SAMD4A: variants seen among roughly 807,000 people sequenced by gnomAD.
SAMD4A encodes protein Smaug homolog 1.
Under a neutral mutation model 81.3 loss-of-function variants are expected in SAMD4A, and 33 were observed. The ratio of observed to expected loss-of-function variants is 0.41; its 90% confidence interval spans 0.31 to 0.54. The LOEUF is 0.54. SAMD4A is among the 20% of genes least tolerant of loss of function. The pLI, the probability that SAMD4A is intolerant of heterozygous loss-of-function variation, is 0.37. For missense variants in SAMD4A, 854 were observed against 951.1 expected, an observed-to-expected ratio of 0.90 and a Z score of 1.34; for synonymous variants, 389 against 382.1, an observed-to-expected ratio of 1.02 and a Z score of -0.21.
intron 3 of SAMD4A, chr14:54,702,794 G>A (rs543377476): frequency 3.4e-6 from 2 of 581,248 alleles, no homozygotes; most frequent in African/African-American, 1.9e-5. Context: ...AGTGACTGAT[G>A]GTCCAAATTT....
Position 54,567,951 on chromosome 14 carries a change from G to T in SAMD4A, c.35G>T (p.Gly12Val). ...CGCGACCAGGTCGGGGTGCTGGCGG[G>T]CTGGTTTAAGGGCTGGAACGAGTGC... ...MFRDQVGVLA[G>V]WFKGWNECEQ... The change falls in exon 2 of 13, where the codon GGC becomes GTC. Residue 12 changes from glycine (G) to valine (V), a missense_variant. Physicochemically the swap from Gly to Val is moderately radical, Grantham distance 109. Coordinates refer to ENST00000554335, the MANE Select transcript of SAMD4A (RefSeq NM_015589.6). 6.2e-7 allele frequency: 1 copy of T among 1,609,966 alleles called. No individual in the cohort carries two copies. The highest frequency in any genetic ancestry group is 2.2e-5 in the East Asian group (1 of 44,744).
Position 54,713,671 on chromosome 14 carries a change from C to A in SAMD4A, c.715+11091C>A, listed in dbSNP as rs139906427. Among the ~76,000 whole-genome samples, 876 of 152,264 alleles carry A rather than the reference C, an allele frequency of 5.8e-3. 10 individuals carry two copies. Among genetic ancestry groups the A allele is most frequent in the South Asian group, 0.015 (74 of 4,820 alleles). On this transcript the variant is annotated intron_variant, in intron 3 of 12. Transcript: ENST00000554335. ...TGAGATGCATCCTTTTGGAAAAGCC[C>A]AGCAAAACCCATATGGAGCTAAAAG... is the stretch of plus-strand genomic sequence containing the variant.
intron 2 of SAMD4A, among the ~76,000 whole-genome samples, chr14:54,629,463 G>A (rs17253556): frequency 0.11 from 16,632 of 152,212 alleles, 1,162 homozygotes; most frequent in Middle Eastern, 0.2. Flanking sequence ...GGCATACAGA[G>A]TGATACATGA....
At chr14:54,761,917 T>C (rs2038409009) in intron 7 of SAMD4A, among the ~76,000 whole-genome samples, 4 of 152,172 alleles carry the variant, frequency 2.6e-5, no homozygotes, top group Admixed American at 2.6e-4. Context: ...CTTGACTGTA[T>C]CTTCATTAGT....
chr14:54,581,447 T>C (rs886221088), intron 2 of SAMD4A, among the ~76,000 whole-genome samples: 6 of 152,240 alleles, frequency 3.9e-5, no homozygotes, highest in African/African-American at 1.4e-4. Flanking sequence ...TCCAATTCAA[T>C]TGGGACTTTA....
chr14:54,691,604 A>G (rs1055961867), intron 2 of SAMD4A, among the ~76,000 whole-genome samples: 2 of 152,008 alleles, frequency 1.3e-5, no homozygotes, highest in Non-Finnish European at 2.9e-5. Context: ...GATTGCATCA[A>G]TAGACCTACT....
chr14:54,736,960 G>T, intron 3 of SAMD4A, 64 bp from the exon 4 acceptor site: 1 of 1,573,532 alleles, frequency 6.4e-7, no homozygotes, highest in Non-Finnish European at 8.7e-7. Context: ...AGGTATTGTG[G>T]GTTCTTCGGT....
chr14:54,657,138 T>C (rs1246606012), intron 2 of SAMD4A, among the ~76,000 whole-genome samples: 1 of 152,204 alleles, frequency 6.6e-6, no homozygotes, highest in Admixed American at 6.5e-5. Context: ...TTCAATTTCC[T>C]CACTAAACTC....
intron 12 of SAMD4A, among the ~76,000 whole-genome samples, chr14:54,786,537 C>G (rs2139992791): frequency 6.6e-6 from 1 of 152,340 alleles, no homozygotes; most frequent in Non-Finnish European, 1.5e-5. Flanking sequence ...GAGCTGGCAC[C>G]TGCCAGAGCT....
intron 8 of SAMD4A, among the ~76,000 whole-genome samples, chr14:54,768,449 G>A (rs148734263): frequency 7.9e-5 from 12 of 152,288 alleles, no homozygotes; most frequent in Non-Finnish European, 1.2e-4. Context: ...AGGGGCATGC[G>A]TAAAGGCGTG....
At chr14:54,582,602 C>T (rs562371049) in intron 2 of SAMD4A, among the ~76,000 whole-genome samples, 1 of 152,252 alleles carries the variant, frequency 6.6e-6, no homozygotes, top group South Asian at 2.1e-4. Context: ...AATATGATAG[C>T]TAAATGCCAC....
chr14:54,597,423 C>T (rs544861399), intron 2 of SAMD4A, among the ~76,000 whole-genome samples: 2 of 150,254 alleles, frequency 1.3e-5, no homozygotes, highest in South Asian at 2.1e-4. Context: ...TACAGGCATG[C>T]GCCACCACAC....
chr14:54,673,941 G>A (rs1019493277), intron 2 of SAMD4A, among the ~76,000 whole-genome samples: 16 of 152,180 alleles, frequency 1.1e-4, no homozygotes, highest in African/African-American at 2.4e-4. Context: ...TTTCTGAAGC[G>A]TTTGATGCCT....
chr14:54,739,239 T>C (rs1198671325), intron 4 of SAMD4A, among the ~76,000 whole-genome samples: 1 of 151,974 alleles, frequency 6.6e-6, no homozygotes, highest in Non-Finnish European at 1.5e-5. Flanking sequence ...AGCCAAAATA[T>C]TGCAAAGGTT....
intron 2 of SAMD4A, among the ~76,000 whole-genome samples, chr14:54,671,382 AG>A (rs2035877228): frequency 6.6e-6 from 1 of 152,202 alleles, no homozygotes; most frequent in Non-Finnish European, 1.5e-5. Context: ...GGATAATAAT[AG>A]TACCTAGGGG....
chr14:54,757,357 A>G (rs147388620), intron 6 of SAMD4A, among the ~76,000 whole-genome samples: 2 of 146,560 alleles, frequency 1.4e-5, no homozygotes, highest in Non-Finnish European at 3.0e-5. Context: ...GTCCAACATT[A>G]TTCGTTATGT....
In SAMD4A at chr14:54,789,071, C is replaced by CCCGT. The variant is rs1167732445; in HGVS notation, c.*128_*131dup. On this transcript the variant is annotated 3_prime_UTR_variant, in exon 13 of 13. Transcript: ENST00000554335. ...AGCCTTTTTTCCCCCTGGTCCCTCTCCCGTTTTGATTTTGTGAGAGCGTAG... is the reference window on the plus strand; with the variant it reads ...AGCCTTTTTTCCCCCTGGTCCCTCTCCCGTCCGTTTTGATTTTGTGAGAGCGTAG... The CCCGT allele has an allele frequency of 6.6e-6, 7 of 1,066,144 alleles. No homozygotes were observed. The African/African-American group carries it at 1.1e-4, about 17-fold the overall frequency. The allele number at this position is 1,066,144 out of a possible 1,614,324, so 66.0% of individuals were successfully genotyped here.
At chr14:54,698,689 C>T (rs1013543786) in intron 2 of SAMD4A, among the ~76,000 whole-genome samples, 2 of 152,206 alleles carry the variant, frequency 1.3e-5, no homozygotes, top group African/African-American at 4.8e-5. Flanking sequence ...AGAGAGCAAT[C>T]TGATTTCTGT....
At chr14:54,652,333 C>G (rs988320290) in intron 2 of SAMD4A, among the ~76,000 whole-genome samples, 32 of 152,210 alleles carry the variant, frequency 2.1e-4, no homozygotes, top group Admixed American at 1.2e-3. Flanking sequence ...ATGTAGCTAA[C>G]CAGTGTCATT....
Sources: allele counts gnomAD v4.1 joint callset (sites outside exome capture counted in the v4.1 genomes callset), GRCh38; gene constraint gnomAD v4.1.1; transcripts MANE v1.5; gene names NCBI Gene and HGNC (gene_info 2026-07-23, HGNC 2026-07-21).